HIVEP3: variants seen among roughly 807,000 people sequenced by gnomAD.
The protein encoded by HIVEP3 is HIVEP zinc finger 3.
Under a neutral mutation model 152.8 loss-of-function variants are expected in HIVEP3, and 49 were observed. The ratio of observed to expected loss-of-function variants is 0.32; its 90% CI spans 0.26 to 0.41. HIVEP3 has a LOEUF of 0.41. Among genes scored for constraint, HIVEP3 ranks in the 10% least tolerant of loss-of-function variants. HIVEP3 has a pLI of 1.00. For synonymous variants in HIVEP3, 1,269 were observed against 1,289.0 expected, an observed-to-expected ratio of 0.98 and a Z score of 0.33; for missense variants, 2,790 against 3,103.3, an observed-to-expected ratio of 0.90 and a Z score of 2.40.
intron 1 of HIVEP3, among the ~76,000 whole-genome samples, chr1:41,957,251 T>C (rs1645144973): frequency 6.6e-6 from 1 of 152,250 alleles, no homozygotes; most frequent in South Asian, 2.1e-4. Flanking sequence ...TTTATACAAA[T>C]AAAACTTCAT....
At chr1:41,631,730 C>T (rs968066518) in intron 2 of HIVEP3, among the ~76,000 whole-genome samples, 2 of 152,238 alleles carry the variant, frequency 1.3e-5, no homozygotes, top group Non-Finnish European at 2.9e-5. Flanking sequence ...CTGATTCTGC[C>T]GTCCGAACCA....
rs1476385633 is a variant in HIVEP3 at position 41,507,886 on chromosome 1, G to A, written c.*2565C>T. The A allele has an allele frequency of 6.6e-6, 1 of 152,294 alleles. No homozygotes were observed. Among genetic ancestry groups the A allele is most frequent in the Non-Finnish European group, 1.5e-5 (1 of 68,122 alleles). 9.4% of individuals were successfully genotyped at this position (152,294 alleles called of 1,614,324 possible). A position where few individuals can be genotyped will look rare whatever the true frequency, so the allele number is the denominator to read the frequency against. ...TCCCTCTGGGCACGGCATCAATGTGGAGGCAGCCCTTTGGTGAGATTCTAT... is the reference window on the plus strand; with the variant it reads ...TCCCTCTGGGCACGGCATCAATGTGAAGGCAGCCCTTTGGTGAGATTCTAT... On this transcript the variant is annotated 3_prime_UTR_variant, in exon 9 of 9. Coordinates refer to ENST00000372583, the MANE Select transcript of HIVEP3 (RefSeq NM_024503.5).
chr1:41,934,128 G>C (rs749647821), intron 1 of HIVEP3, among the ~76,000 whole-genome samples: 6 of 152,094 alleles, frequency 3.9e-5, no homozygotes, highest in Non-Finnish European at 7.4e-5. Flanking sequence ...CTCTCCTCCA[G>C]CAATTCACTA....
At chr1:41,702,675 AG>A (rs1241405238) in intron 1 of HIVEP3, among the ~76,000 whole-genome samples, 6 of 152,236 alleles carry the variant, frequency 3.9e-5, no homozygotes, top group African/African-American at 1.4e-4. Context: ...CTGGCCTGTG[AG>A]CCCCTAGGGG....
chr1:41,658,575 A>ACCC (rs34006627), intron 2 of HIVEP3, among the ~76,000 whole-genome samples: 3 of 149,090 alleles, frequency 2.0e-5, no homozygotes, highest in African/African-American at 7.4e-5. Flanking sequence ...TTCTCACTTC[A>ACCC]CCCCCCCCAT....
chr1:41,987,565 C>G (rs967955445), intron 1 of HIVEP3, among the ~76,000 whole-genome samples: 1 of 152,084 alleles, frequency 6.6e-6, no homozygotes, highest in African/African-American at 2.4e-5. Flanking sequence ...AGCACAAAAA[C>G]AGACATAGAG....
intron 4 of HIVEP3, among the ~76,000 whole-genome samples, chr1:41,576,829 C>A (rs1194486544): frequency 6.6e-6 from 1 of 152,176 alleles, no homozygotes; most frequent in Non-Finnish European, 1.5e-5. Flanking sequence ...GGGATTTAGA[C>A]CATCTTGAAG....
intron 1 of HIVEP3, among the ~76,000 whole-genome samples, chr1:41,806,434 G>A (rs574080575): frequency 1.2e-4 from 19 of 152,316 alleles, no homozygotes; most frequent in Admixed American, 3.3e-4. Flanking sequence ...GCCCAGCCCC[G>A]GCATGGAGCC....
intron 3 of HIVEP3, among the ~76,000 whole-genome samples, chr1:41,624,797 C>T (rs1272069522): frequency 6.6e-6 from 1 of 152,196 alleles, no homozygotes; most frequent in Non-Finnish European, 1.5e-5. Context: ...TAATGTTGAA[C>T]TGAAGACCAT....
intron 1 of HIVEP3, among the ~76,000 whole-genome samples, chr1:41,985,202 G>A (rs1015632690): frequency 6.6e-6 from 1 of 152,182 alleles, no homozygotes; most frequent in African/African-American, 2.4e-5. Flanking sequence ...GAAGAGGATG[G>A]ATTGTAGTGA....
At chr1:41,934,987 C>T (rs1469869466) in intron 1 of HIVEP3, among the ~76,000 whole-genome samples, 2 of 152,114 alleles carry the variant, frequency 1.3e-5, no homozygotes, top group Non-Finnish European at 2.9e-5. Flanking sequence ...AGAAATATGA[C>T]AGGCAACTAA....
At chr1:41,713,256 G>A (rs1646542330) in intron 1 of HIVEP3, among the ~76,000 whole-genome samples, 1 of 152,156 alleles carries the variant, frequency 6.6e-6, no homozygotes, top group Non-Finnish European at 1.5e-5. Context: ...TGCCCTGAAA[G>A]CACTTGTTTT....
At chr1:41,985,517 T>C (rs1223884040) in intron 1 of HIVEP3, among the ~76,000 whole-genome samples, 1 of 152,232 alleles carries the variant, frequency 6.6e-6, no homozygotes, top group Non-Finnish European at 1.5e-5. Context: ...AACTCTCTTC[T>C]TATAGGTGTC....
At chr1:41,554,789 A>C (rs1643939821) in intron 5 of HIVEP3, among the ~76,000 whole-genome samples, 1 of 152,240 alleles carries the variant, frequency 6.6e-6, no homozygotes, top group Non-Finnish European at 1.5e-5. Flanking sequence ...GGTCCACTCC[A>C]GACCCTGTCT....
intron 6 of HIVEP3, among the ~76,000 whole-genome samples, chr1:41,522,903 A>C (rs1328842414): frequency 1.3e-5 from 2 of 152,222 alleles, no homozygotes; most frequent in Non-Finnish European, 2.9e-5. Context: ...TCCCCTGGAC[A>C]CAGGCCACTC....
At chr1:41,846,414 C>A (rs1643446317) in intron 1 of HIVEP3, among the ~76,000 whole-genome samples, 1 of 152,178 alleles carries the variant, frequency 6.6e-6, no homozygotes, top group African/African-American at 2.4e-5. Context: ...TTGGATTTTT[C>A]ATTTAATAGA....
At chr1:41,874,470 T>C (rs1055240287) in intron 1 of HIVEP3, among the ~76,000 whole-genome samples, 4 of 152,166 alleles carry the variant, frequency 2.6e-5, no homozygotes, top group African/African-American at 9.7e-5. Flanking sequence ...AGAGACAGTA[T>C]TCTAGGAGAT....
intron 2 of HIVEP3, among the ~76,000 whole-genome samples, chr1:41,633,072 G>A (rs1286258966): frequency 6.6e-6 from 1 of 152,092 alleles, no homozygotes; most frequent in Non-Finnish European, 1.5e-5. Flanking sequence ...GTCACTGACT[G>A]TCCCCAGTCT....
chr1:41,881,156 A>T (rs1450850704), intron 1 of HIVEP3, among the ~76,000 whole-genome samples: 1 of 152,202 alleles, frequency 6.6e-6, no homozygotes, highest in Non-Finnish European at 1.5e-5. Context: ...AGATTAGACA[A>T]TAGCAACAAT....
Sources: gnomAD v4.1 joint callset for allele counts (sites outside exome capture counted in the v4.1 genomes callset) on GRCh38, gnomAD v4.1.1 for gene constraint, MANE v1.5 for transcripts, NCBI Gene and HGNC (gene_info 2026-07-23, HGNC 2026-07-21) for gene names.